The following PEPD variants were observed in gnomAD, a reference collection of about 807,000 sequenced individuals.
PEPD encodes the protein xaa-Pro dipeptidase.
In PEPD, 53 loss-of-function variants were observed where a neutral mutation model predicts 60.7. The observed-to-expected ratio is 0.87, with a 90% CI of 0.70 to 1.10. The LOEUF (loss-of-function observed/expected upper bound fraction) is 1.10, where lower values mean the gene tolerates loss of function less well. Among genes scored for constraint, PEPD ranks in the 50% least tolerant of loss-of-function variants. The probability of loss-of-function intolerance (pLI) is 0.00; values close to 1 mark genes in which losing one functional copy is unlikely to be tolerated. For missense variants in PEPD, 711 were observed against 711.9 expected (o/e 1.00, Z 0.01); for synonymous variants, 267 against 284.1 (o/e 0.94, Z 0.60).
At chr19:33,489,890 A>T in intron 6 of PEPD, 106 bp downstream of exon 6, 1 of 706,298 alleles carries the variant, frequency 1.4e-6, no homozygotes, top group Non-Finnish European at 2.5e-6. Flanking sequence ...CTCCTTAAAA[A>T]GAAGTTTGCA....
At chr19:33,475,969 C>T (rs995055151) in intron 7 of PEPD, among the ~76,000 whole-genome samples, 1 of 152,168 alleles carries the variant, frequency 6.6e-6, no homozygotes, top group Non-Finnish European at 1.5e-5. Flanking sequence ...AAGCGATCCT[C>T]CTGCCTCAGC....
At chr19:33,484,491 C>T (rs1388505576) in intron 6 of PEPD, among the ~76,000 whole-genome samples, 1 of 152,096 alleles carries the variant, frequency 6.6e-6, no homozygotes, top group Admixed American at 6.5e-5. Flanking sequence ...GAGGCACACA[C>T]GGACACATAC....
intron 3 of PEPD, among the ~76,000 whole-genome samples, chr19:33,502,010 T>C (rs1970722563): frequency 6.6e-6 from 1 of 152,196 alleles, no homozygotes; most frequent in Admixed American, 6.5e-5. Flanking sequence ...CACCTCCTGA[T>C]GGGCCCTTTG....
intron 6 of PEPD, among the ~76,000 whole-genome samples, chr19:33,480,668 G>A (rs1001087698): frequency 5.9e-5 from 9 of 152,086 alleles, no homozygotes; most frequent in Non-Finnish European, 1.2e-4. Context: ...GGTGGTGAGC[G>A]CCTGTAATCC....
chr19:33,512,626 G>T lies in PEPD; in HGVS notation c.168C>A (p.Arg56=). The stretch of plus-strand genomic sequence containing the variant: ...AGAGGACCCCGGTGTCGGTGCAGTA[G>T]CGCTGAGTCTCCTCCCCGCCCTGCA... ...VVLQGGEETQ[R]YCTDTGVLFR... The change falls in exon 2 of 15, where the codon CGC becomes CGA. Residue 56 remains arginine (R), a synonymous_variant. Coordinates refer to ENST00000244137, the MANE Select transcript of PEPD (RefSeq NM_000285.4). 1.2e-6 allele frequency: 2 copies of T among 1,613,934 alleles called. No individual in the cohort carries two copies. Among genetic ancestry groups the T allele is most frequent in the Non-Finnish European group, 1.7e-6 (2 of 1,179,968 alleles).
At chr19:33,471,046 A>C (rs1397590467) in intron 7 of PEPD, among the ~76,000 whole-genome samples, 1 of 152,196 alleles carries the variant, frequency 6.6e-6, no homozygotes, top group South Asian at 2.1e-4. Context: ...TCCTCCTCCC[A>C]GCAGAGGTGA....
At chr19:33,418,420 G>A (rs1234838548) in intron 9 of PEPD, among the ~76,000 whole-genome samples, 3 of 152,198 alleles carry the variant, frequency 2.0e-5, no homozygotes, top group African/African-American at 7.2e-5. Flanking sequence ...AGGACTTGGA[G>A]CCAAAACCGG....
At chr19:33,421,639 C>T (rs750011130) in intron 9 of PEPD, among the ~76,000 whole-genome samples, 2 of 151,962 alleles carry the variant, frequency 1.3e-5, no homozygotes, top group Non-Finnish European at 2.9e-5. Context: ...TACAGACATG[C>T]ACCACCATGC....
In PEPD at chr19:33,431,992, C is replaced by CAAA. The variant is rs906879187; in HGVS notation, c.672-18352_672-18350dup. Among the ~76,000 whole-genome samples, 71 of 77,830 alleles carry CAAA rather than the reference C, an allele frequency of 9.1e-4. 1 individual carries two copies. Among genetic ancestry groups the CAAA allele is most frequent in the Non-Finnish European group, 1.2e-3 (46 of 38,856 alleles). The allele number at this position is 77,830 out of a possible 152,430, so 51.1% of individuals were successfully genotyped here. A position where few individuals can be genotyped will look rare whatever the true frequency, so the allele number is the denominator to read the frequency against. On this transcript the variant is annotated intron_variant, in intron 9 of 14. Transcript: ENST00000244137. ...TGGGTAACAGAGCAAGACACCACCT[C>CAAA]AAAAAAAAAAAAAAAAAAGGGAAGA...
At chr19:33,486,276 C>T (rs1468143119) in intron 6 of PEPD, among the ~76,000 whole-genome samples, 18 of 150,394 alleles carry the variant, frequency 1.2e-4, no homozygotes, top group South Asian at 2.1e-4. Context: ...ATCATGCCCC[C>T]GCCAGGACCT....
chr19:33,463,985 A>G lies in PEPD; in HGVS notation c.624+2T>C. The G allele has an allele frequency of 6.2e-7, 1 of 1,603,886 alleles. No individual in the cohort carries two copies. The highest frequency in any genetic ancestry group is 8.5e-7 in the Non-Finnish European group (1 of 1,172,038). ...CTCAACCAGAGCCGGTGCCTGACTT[A>G]CCTCACGGTGGGCCTCGCTGGAGAT... is the stretch of plus-strand genomic sequence containing the variant. On this transcript the variant is annotated splice_donor_variant, in intron 8 of 14. Transcript: ENST00000244137. LOFTEE classifies it high-confidence loss of function.
At chr19:33,401,917 CCCCTTA>C (rs1568452347) in intron 11 of PEPD, 48 bp from the exon 12 acceptor site, 1 of 1,595,792 alleles carries the variant, frequency 6.3e-7, no homozygotes, top group Non-Finnish European at 8.6e-7. Context: ...GTGCCACCGC[CCCCTTA>C]CCCTTACCGC....
chr19:33,517,724 G>C (rs1362153022), intron 1 of PEPD, among the ~76,000 whole-genome samples: 1 of 151,910 alleles, frequency 6.6e-6, no homozygotes, highest in Non-Finnish European at 1.5e-5. Flanking sequence ...ACCAGCACTT[G>C]GGGAGGCTGA....
chr19:33,463,774 C>T (rs1471558909), intron 8 of PEPD, among the ~76,000 whole-genome samples: 1 of 152,186 alleles, frequency 6.6e-6, no homozygotes, highest in African/African-American at 2.4e-5. Context: ...TGGGCAGGTG[C>T]CCTAAGCTGA....
At chr19:33,497,294 C>T (rs565449677) in intron 4 of PEPD, among the ~76,000 whole-genome samples, 5 of 152,344 alleles carry the variant, frequency 3.3e-5, no homozygotes, top group African/African-American at 9.6e-5. Context: ...TGGTGACCCT[C>T]GGACCTTCTC....
At chr19:33,437,452 C>T (rs946839954) in intron 9 of PEPD, among the ~76,000 whole-genome samples, 1 of 151,336 alleles carries the variant, frequency 6.6e-6, no homozygotes, top group South Asian at 2.1e-4. Flanking sequence ...GCAGACAGGG[C>T]GCCTGGAGGA....
chr19:33,482,635 C>T (rs1279591511), intron 6 of PEPD, among the ~76,000 whole-genome samples: 2 of 152,184 alleles, frequency 1.3e-5, no homozygotes, highest in Non-Finnish European at 2.9e-5. Flanking sequence ...GGCATCCAGA[C>T]GACCCTGCAA....
chr19:33,424,674 C>T (rs1021499140), intron 9 of PEPD, among the ~76,000 whole-genome samples: 1 of 151,988 alleles, frequency 6.6e-6, no homozygotes, highest in Non-Finnish European at 1.5e-5. Flanking sequence ...ACCCGGTATT[C>T]GTCCATTTTC....
chr19:33,444,691 C>T (rs542322373), intron 9 of PEPD, among the ~76,000 whole-genome samples: 6 of 151,282 alleles, frequency 4.0e-5, no homozygotes, highest in Admixed American at 1.3e-4. Context: ...CGTCCACTCA[C>T]CCCCCAAAGC....
Sources: allele counts gnomAD v4.1 joint callset (sites outside exome capture counted in the v4.1 genomes callset), GRCh38; gene constraint gnomAD v4.1.1; transcripts MANE v1.5; gene names NCBI Gene and HGNC (gene_info 2026-07-23, HGNC 2026-07-21).